The following CNDP1 variants were observed in gnomAD, a reference collection of about 807,000 sequenced individuals.
CNDP1 encodes the protein carnosine dipeptidase 1, also known as beta-Ala-His dipeptidase.
In CNDP1, 44 loss-of-function variants were observed where a neutral mutation model predicts 58.1. That is an observed-to-expected ratio of 0.76 (90% CI 0.60 to 0.97). The LOEUF (loss-of-function observed/expected upper bound fraction) is 0.97, where lower values mean the gene tolerates loss of function less well. CNDP1 is among the 50% of genes least tolerant of loss of function. CNDP1 has a pLI of 0.00. For synonymous variants in CNDP1, 254 were observed against 252.6 expected, an observed-to-expected ratio of 1.01 and a Z score of -0.05; for missense variants, 616 against 655.1, an observed-to-expected ratio of 0.94 and a Z score of 0.65.
At position 74,567,259 on chromosome 18, in the gene CNDP1, C is replaced by T; in HGVS notation, c.582C>T (p.Ile194=). ...EQDLPVNIKF[I]IEGMEEAGSV... ...ATCTTCCTGTGAATATCAAATTCAT[C>T]ATTGAGGGGATGGAAGAGGCTGGCT... The change falls in exon 6 of 12, where the codon ATC becomes ATT. Residue 194 remains isoleucine, a synonymous_variant. Coordinates refer to ENST00000358821, the MANE Select transcript of CNDP1 (RefSeq NM_032649.6). 1.2e-6 allele frequency: 2 copies of T among 1,614,096 alleles called. No homozygotes were observed. Among genetic ancestry groups the T allele is most frequent in the Non-Finnish European group, 1.7e-6 (2 of 1,179,992 alleles).
intron 10 of CNDP1, among the ~76,000 whole-genome samples, chr18:74,583,305 C>T (rs993374697): frequency 1.3e-5 from 2 of 152,184 alleles, no homozygotes; most frequent in Non-Finnish European, 1.5e-5. Flanking sequence ...CTGCACCTGG[C>T]TCTAAAATCT....
At chr18:74,575,245 G>T (rs1052198418) in intron 7 of CNDP1, among the ~76,000 whole-genome samples, 1 of 152,226 alleles carries the variant, frequency 6.6e-6, no homozygotes, top group Non-Finnish European at 1.5e-5. Context: ...TGTATACTGA[G>T]AGAATAAAGT....
At position 74,544,776 on chromosome 18, in the gene CNDP1, T is replaced by C. The variant is rs979726272; in HGVS notation, c.24+10085T>C. ...TAGTGGTAAGAAAATAATAACAGGG[T>C]GTACTGGGTTAAATAACATTCCTTC... is the stretch of plus-strand genomic sequence containing the variant. On this transcript the variant is annotated intron_variant, in intron 1 of 11. Coordinates refer to ENST00000358821, the MANE Select transcript of CNDP1 (RefSeq NM_032649.6). 4.4e-5 allele frequency among the ~76,000 whole-genome samples: 6 copies of C among 135,426 alleles called. 1 individual carries two copies. The Middle Eastern group carries it at 0.012, about 275-fold the overall frequency. The allele number at this position is 135,426 out of a possible 152,430, so 88.8% of individuals were successfully genotyped here.
At chr18:74,561,045 C>A (rs762041235) in intron 4 of CNDP1, 27 bp downstream of exon 4, 1 of 1,603,292 alleles carries the variant, frequency 6.2e-7, no homozygotes, top group Non-Finnish European at 8.5e-7. Flanking sequence ...GGCTACAGTG[C>A]GGTGCTGCTG....
rs962744225 is a variant in CNDP1 at position 74,556,520 on chromosome 18, G to A, written c.153+54G>A. On this transcript the variant is annotated intron_variant, in intron 2 of 11. Coordinates refer to ENST00000358821, the MANE Select transcript of CNDP1 (RefSeq NM_032649.6). Reference sequence around the variant, plus strand: ...ACAGAATGCTTGGATTATATCCTTTGGTATTTGGGTGAGACAATTATTTGC... The same window carrying A: ...ACAGAATGCTTGGATTATATCCTTTAGTATTTGGGTGAGACAATTATTTGC... 6.9e-6 allele frequency: 11 copies of A among 1,600,786 alleles called. No homozygotes were observed. The African/African-American group carries it at 1.3e-4, about 20-fold the overall frequency.
intron 5 of CNDP1, among the ~76,000 whole-genome samples, chr18:74,566,209 G>A (rs1222729123): frequency 1.3e-5 from 2 of 152,214 alleles, no homozygotes; most frequent in Admixed American, 6.5e-5. Context: ...CTCCTCCTGG[G>A]CCTCCAGGCC....
intron 7 of CNDP1, among the ~76,000 whole-genome samples, chr18:74,571,507 A>T (rs1981479405): frequency 1.3e-5 from 2 of 152,170 alleles, no homozygotes; most frequent in African/African-American, 4.8e-5. Flanking sequence ...GGACATTGTG[A>T]CACATAGCCA....
chr18:74,576,804 C>A, intron 7 of CNDP1, 65 bp from the exon 8 acceptor site: 2 of 1,482,394 alleles, frequency 1.3e-6, no homozygotes, highest in South Asian at 1.4e-5. Context: ...CACAGTCTGG[C>A]TCCAGGACCA....
chr18:74,569,748 A>G (rs191203787), intron 6 of CNDP1, among the ~76,000 whole-genome samples: 15 of 152,266 alleles, frequency 9.9e-5, no homozygotes, highest in African/African-American at 3.6e-4. Flanking sequence ...CCTCCCATTC[A>G]TTCAGAAGTC....
chr18:74,565,296 C>G (rs1981299264), intron 5 of CNDP1, among the ~76,000 whole-genome samples: 1 of 152,166 alleles, frequency 6.6e-6, no homozygotes, highest in Non-Finnish European at 1.5e-5. Flanking sequence ...CTGGCCCCTC[C>G]AAATCTCATG....
At position 74,545,291 on chromosome 18, in the gene CNDP1, G is replaced by A. The variant is rs1980731373; in HGVS notation, c.24+10600G>A. Among the ~76,000 whole-genome samples, 1 of 152,190 alleles carries A rather than the reference G, an allele frequency of 6.6e-6. No individual in the cohort carries two copies. Among genetic ancestry groups the A allele is most frequent in the African/African-American group, 2.4e-5 (1 of 41,438 alleles). On this transcript the variant is annotated intron_variant, in intron 1 of 11. Transcript: ENST00000358821. This position sits in a 1 kb window ranked among gnomAD's most constrained non-coding sequence, Gnocchi z 4.1. ...GACTTTTGTTCAAAGCCAAAAGGTG[G>A]CCTGAGATGCCATCGCCAGAGGTGG...
intron 7 of CNDP1, among the ~76,000 whole-genome samples, chr18:74,573,395 CATCT>C (rs955312247): frequency 1.3e-3 from 69 of 51,250 alleles, no homozygotes; most frequent in African/African-American, 7.1e-3. Flanking sequence ...TTCATCCATC[CATCT>C]ATCCACCCAT....
At chr18:74,559,201 C>A (rs934724163) in intron 2 of CNDP1, 122 bp from the exon 3 acceptor site, 7 of 887,460 alleles carry the variant, frequency 7.9e-6, no homozygotes, top group Non-Finnish European at 1.3e-5. Flanking sequence ...TGTCATAGGT[C>A]CTCAGGTCCT....
chr18:74,537,290 C>G (rs956885172), intron 1 of CNDP1, among the ~76,000 whole-genome samples: 18 of 152,146 alleles, frequency 1.2e-4, no homozygotes, highest in Admixed American at 9.8e-4. Context: ...AGTCCTTAAT[C>G]CATCTTGAGT....
Position 74,577,012 on chromosome 18 carries a change from T to C in CNDP1, c.985T>C (p.Phe329Leu), listed in dbSNP as rs1263671445. 6.2e-7 allele frequency: 1 copy of C among 1,612,512 alleles called. No individual in the cohort carries two copies. The highest frequency in any genetic ancestry group is 1.3e-5 in the African/African-American group (1 of 74,870). ...CCGGAATAGCAGCCGGGTTGAGAAA[T>C]TTCTGTTCGATACTAAGGTATGGCC... ...EYRNSSRVEK[F>L]LFDTKEEILM... Residue 329 changes from phenylalanine (F) to leucine (L), a missense_variant, in exon 8 of 12, where the codon TTT becomes CTT. Physicochemically the swap from Phe to Leu is conservative, Grantham distance 22. Coordinates refer to ENST00000358821, the MANE Select transcript of CNDP1 (RefSeq NM_032649.6).
Position 74,567,303 on chromosome 18 carries a change from T to C in CNDP1, c.626T>C (p.Leu209Pro). Reference protein sequence around the residue: ...EEAGSVALEELVEKEKDRFFS... With the variant: ...EEAGSVALEEPVEKEKDRFFS... ...GCTGGCTCTGTTGCCCTGGAGGAAC[T>C]TGTGGAAAAAGAAAAGGACCGATTC... Residue 209 changes from leucine (L) to proline (P), a missense_variant, in exon 6 of 12, where the codon CTT becomes CCT. Physicochemically the swap from Leu to Pro is moderately conservative, Grantham distance 98 (BLOSUM62 -3). Coordinates refer to ENST00000358821, the MANE Select transcript of CNDP1 (RefSeq NM_032649.6). 1 of 1,614,150 alleles carries C rather than the reference T, an allele frequency of 6.2e-7. No individual in the cohort carries two copies. Among genetic ancestry groups the C allele is most frequent in the Non-Finnish European group, 8.5e-7 (1 of 1,180,012 alleles).
intron 4 of CNDP1, chr18:74,561,750 C>G (rs1981204970): frequency 4.0e-6 from 1 of 251,310 alleles, no homozygotes; most frequent in Non-Finnish European, 8.0e-6. Context: ...CTCCGGTGAA[C>G]TTGGATAAAA....
At position 74,580,170 on chromosome 18, in the gene CNDP1, G is replaced by T. The variant is rs767104785; in HGVS notation, c.1208G>T (p.Ser403Ile). The T allele has an allele frequency of 3.1e-6, 5 of 1,613,972 alleles. No individual in the cohort carries two copies. The highest frequency in any genetic ancestry group is 4.2e-6 in the Non-Finnish European group (5 of 1,179,868). ...HLEDVFSKRN[S>I]SNKMVVSMTL... is the part of the protein sequence containing the mutation. The stretch of plus-strand genomic sequence containing the variant: ...GAAGATGTGTTCTCCAAAAGAAATA[G>T]TTCCAACAAGATGGTTGTTTCCATG... Residue 403 changes from serine (S) to isoleucine (I), a missense_variant, in exon 10 of 12, where the codon AGT becomes ATT. Transcript: ENST00000358821.
rs1312404448 is a variant in CNDP1, at chr18:74,585,143, T to C, written c.*581T>C. 11 of 152,414 alleles carry C rather than the reference T, an allele frequency of 7.2e-5. No individual in the cohort carries two copies. Among genetic ancestry groups the C allele is most frequent in the Admixed American group, 7.2e-4 (11 of 15,300 alleles). 9.4% of individuals were successfully genotyped at this position (152,414 alleles called of 1,614,324 possible). On this transcript the variant is annotated 3_prime_UTR_variant, in exon 12 of 12. Transcript: ENST00000358821. ...TTGAAAAGTTCCGAAGCTGAAATGA[T>C]CAATATTCATACCCATATGCCATTT...
Sources: gnomAD v4.1 joint callset for allele counts (sites outside exome capture counted in the v4.1 genomes callset) on GRCh38, gnomAD v4.1.1 for gene constraint, Gnocchi (gnomAD v3.1) non-coding constraint, MANE v1.5 for transcripts, NCBI Gene and HGNC (gene_info 2026-07-23, HGNC 2026-07-21) for gene names.